The following ZNF782 variants were observed in gnomAD, a reference collection of about 807,000 sequenced individuals.
ZNF782 encodes the protein zinc finger protein 782.
ZNF782 carries 12 observed loss-of-function variants against 13.0 expected under a neutral mutation model. That is an observed-to-expected ratio of 0.92 (90% CI 0.59 to 1.50). ZNF782 has a LOEUF of 1.50. ZNF782 is among the 40% of genes most tolerant of loss of function. The probability of loss-of-function intolerance (pLI) is 0.00; values close to 1 mark genes in which losing one functional copy is unlikely to be tolerated. For synonymous variants in ZNF782, 284 were observed against 283.0 expected (o/e 1.00, Z -0.04); for missense variants, 770 against 822.9 (o/e 0.94, Z 0.79).
At chr9:96,866,153 C>A (rs973803754) in intron 1 of ZNF782, among the ~76,000 whole-genome samples, 1 of 152,166 alleles carries the variant, frequency 6.6e-6, no homozygotes, top group Non-Finnish European at 1.5e-5. Flanking sequence ...GTCACCAAGA[C>A]AACAGGGAAA....
At chr9:96,831,104 G>A (rs1410774362) in intron 4 of ZNF782, among the ~76,000 whole-genome samples, 1 of 152,090 alleles carries the variant, frequency 6.6e-6, no homozygotes, top group African/African-American at 2.4e-5. Context: ...AAGGAGGGGA[G>A]AAAAGGGAGA....
At chr9:96,837,384 T>C (rs1851034643) in intron 4 of ZNF782, among the ~76,000 whole-genome samples, 1 of 152,226 alleles carries the variant, frequency 6.6e-6, no homozygotes, top group African/African-American at 2.4e-5. Context: ...GCTAATACTG[T>C]CCCCATTTTC....
chr9:96,839,385 T>A (rs1851119190), intron 4 of ZNF782, among the ~76,000 whole-genome samples: 2 of 151,288 alleles, frequency 1.3e-5, no homozygotes, highest in African/African-American at 4.9e-5. Context: ...CCAATGTCCC[T>A]AGCTTGTCTG....
chr9:96,910,730 G>A, the ZNF782 span, among the ~76,000 whole-genome samples: 1 of 148,606 alleles, frequency 6.7e-6, no homozygotes, highest in African/African-American at 2.5e-5. Context: ...TCCTCCTCCC[G>A]GGTTCATGCC....
At chr9:96,877,736 C>T (rs116307319), upstream of ZNF782, among the ~76,000 whole-genome samples, 708 of 152,274 alleles carry the variant, frequency 4.6e-3, 8 homozygotes, top group African/African-American at 0.016. Context: ...GGGGTCGTTC[C>T]CGGTGGATGT....
intron 5 of ZNF782, among the ~76,000 whole-genome samples, chr9:96,825,111 A>C (rs1262919045): frequency 5.3e-5 from 8 of 152,054 alleles, no homozygotes; most frequent in East Asian, 3.9e-4. Flanking sequence ...AATCCTAAGC[A>C]AAAAGAACAA....
chr9:96,930,872 G>GTTTTTTTTTTTTTTTTTTTT, the ZNF782 span, among the ~76,000 whole-genome samples: 4 of 72,726 alleles, frequency 5.5e-5, no homozygotes, highest in Non-Finnish European at 7.5e-5. Flanking sequence ...CCATCCAGTG[G>GTTTTTTTTTTTTTTTTTTTT]TTTTTTTTTT....
chr9:96,900,600 G>C, the ZNF782 span, among the ~76,000 whole-genome samples: 1 of 151,226 alleles, frequency 6.6e-6, no homozygotes, highest in African/African-American at 2.4e-5. Context: ...AATTAGCCAG[G>C]CATGGTGGTG....
Position 96,818,702 on chromosome 9 carries a change from G to A in ZNF782, c.1321C>T (p.Gln441Ter). 6.2e-7 allele frequency: 1 copy of A among 1,614,152 alleles called. No individual in the cohort carries two copies. The highest frequency in any genetic ancestry group is 1.1e-5 in the South Asian group (1 of 91,080). The change falls in exon 6 of 6, where the codon CAG (glutamine) becomes TAG (stop). Residue 441 changes from glutamine to a stop codon, truncating the protein, a stop_gained. Coordinates refer to ENST00000481138, the MANE Select transcript of ZNF782 (RefSeq NM_001001662.3). LOFTEE classifies it low-confidence loss of function (END_TRUNC). ...FSAKSGLRIH[Q>*]RTHTGEKPFE... ...GGTTTCTCCCCTGTGTGGGTTCTCT[G>A]GTGTATTCTTAGGCCTGACTTTGCA...
upstream of ZNF782, among the ~76,000 whole-genome samples, chr9:96,880,512 A>AT (rs1159012728): frequency 5.9e-5 from 9 of 152,202 alleles, no homozygotes; most frequent in Non-Finnish European, 4.4e-5. Context: ...ATCTGGTCAA[A>AT]TGCTTTTGCC....
At chr9:96,895,113 A>G in the ZNF782 span, 2 of 152,214 alleles carry the variant, frequency 1.3e-5, no homozygotes, top group African/African-American at 4.8e-5. Flanking sequence ...TCTTCTGTAT[A>G]GGTCAGAAAT....
chr9:96,879,298 C>T (rs1381424630), upstream of ZNF782, among the ~76,000 whole-genome samples: 1 of 152,140 alleles, frequency 6.6e-6, no homozygotes, highest in Non-Finnish European at 1.5e-5. Flanking sequence ...ACCATCCTGG[C>T]TAACACGGTG....
the ZNF782 span, among the ~76,000 whole-genome samples, chr9:96,912,414 T>G: frequency 1.4e-5 from 2 of 142,322 alleles, no homozygotes; most frequent in African/African-American, 5.2e-5. Flanking sequence ...TAATCCCAGC[T>G]ACTCGGGAGG....
chr9:96,899,901 G>GT, the ZNF782 span, among the ~76,000 whole-genome samples: 12 of 151,714 alleles, frequency 7.9e-5, no homozygotes, highest in Non-Finnish European at 1.6e-4. Flanking sequence ...CCGGGCTGAC[G>GT]TGATCCTCCT....
At chr9:96,851,504 G>C (rs1424963462) in intron 3 of ZNF782, among the ~76,000 whole-genome samples, 1 of 152,128 alleles carries the variant, frequency 6.6e-6, no homozygotes, top group South Asian at 2.1e-4. Flanking sequence ...AAACAGGAAA[G>C]TATAGTTTAA....
At chr9:96,865,595 T>G (rs1186482933) in intron 1 of ZNF782, among the ~76,000 whole-genome samples, 1 of 152,196 alleles carries the variant, frequency 6.6e-6, no homozygotes, top group East Asian at 1.9e-4. Flanking sequence ...AGTAAATTGA[T>G]ACCAGTAGAG....
At chr9:96,838,000 AT>A (rs1367953256) in intron 4 of ZNF782, among the ~76,000 whole-genome samples, 4 of 152,296 alleles carry the variant, frequency 2.6e-5, no homozygotes, top group African/African-American at 9.6e-5. Flanking sequence ...TGTTGGGATT[AT>A]AGGTGTTAGC....
rs756030934 is a variant in ZNF782, at chr9:96,819,428, T to C, written c.595A>G (p.Lys199Glu). 2 of 1,613,536 alleles carry C rather than the reference T, an allele frequency of 1.2e-6. No homozygotes were observed. Among genetic ancestry groups the C allele is most frequent in the South Asian group, 2.2e-5 (2 of 90,870 alleles). The part of the protein sequence containing the change: ...YSKIVKTLHH[K>E]EEVIQHQTIQ... Reference sequence around the variant, plus strand: ...GTCTGATGTTGAATAACTTCCTCCTTATGATGGAGGGTTTTCACAATTTTA... The same window carrying C: ...GTCTGATGTTGAATAACTTCCTCCTCATGATGGAGGGTTTTCACAATTTTA... Residue 199 changes from lysine (K) to glutamate (E), a missense_variant, in exon 6 of 6, where the codon AAG becomes GAG. Physicochemically the swap from Lys to Glu is moderately conservative, Grantham distance 56. Transcript: ENST00000481138.
intron 2 of ZNF782, among the ~76,000 whole-genome samples, chr9:96,861,076 G>A (rs554002471): frequency 2.1e-4 from 32 of 152,080 alleles, no homozygotes; most frequent in African/African-American, 7.0e-4. Context: ...GTGAGTTTCT[G>A]TCTCTATTTC....
Sources: gnomAD v4.1 joint callset for allele counts (sites outside exome capture counted in the v4.1 genomes callset) on GRCh38, gnomAD v4.1.1 for gene constraint, MANE v1.5 for transcripts, NCBI Gene and HGNC (gene_info 2026-07-23, HGNC 2026-07-21) for gene names.